Variants in SUPT6H observed in about 807,000 individuals in gnomAD.
SUPT6H encodes transcription elongation factor SPT6.
SUPT6H carries 11 observed loss-of-function variants against 222.3 expected under a neutral mutation model. The observed-to-expected ratio is 0.05, with a 90% CI of 0.03 to 0.08. SUPT6H has a LOEUF of 0.08. Ranked by LOEUF, SUPT6H falls within the 10% of genes least tolerant of loss-of-function variation. SUPT6H has a pLI of 1.00. For missense variants in SUPT6H, 1,422 were observed against 2,216.0 expected (o/e 0.64, Z 7.19); for synonymous variants, 762 against 801.2 (o/e 0.95, Z 0.83).
At chr17:28,690,771 C>A in intron 26 of SUPT6H, 150 bp from the exon 27 acceptor site, 1 of 976,376 alleles carries the variant, frequency 1.0e-6, no homozygotes, top group Non-Finnish European at 1.5e-6. Flanking sequence ...AAGACTTCAT[C>A]TCAAAAATAA....
Position 28,701,727 on chromosome 17 carries a change from G to T in SUPT6H, c.*102G>T. ...TCCTTTTATGTCCATAAAGTGGCGT[G>T]AAGTGAGACGTTCTCTTTGGTGGTC... On this transcript the variant is annotated 3_prime_UTR_variant, in exon 37 of 37. Coordinates refer to ENST00000314616, the MANE Select transcript of SUPT6H (RefSeq NM_003170.5). 4 of 1,274,612 alleles carry T rather than the reference G, an allele frequency of 3.1e-6. No individual in the cohort carries two copies. Among genetic ancestry groups the T allele is most frequent in the Non-Finnish European group, 4.3e-6 (4 of 930,684 alleles). 79.0% of individuals were successfully genotyped at this position (1,274,612 alleles called of 1,614,324 possible).
chr17:28,674,940 T>C, intron 4 of SUPT6H, 30 bp from the exon 5 acceptor site: 2 of 1,608,094 alleles, frequency 1.2e-6, no homozygotes, highest in Non-Finnish European at 1.7e-6. Context: ...ACTCCTCAGA[T>C]CCTGATAAGG....
Position 28,687,187 on chromosome 17 carries a change from G to C in SUPT6H, c.2800G>C (p.Asp934His), listed in dbSNP as rs149659188. 4.3e-6 allele frequency: 7 copies of C among 1,614,046 alleles called. No individual in the cohort carries two copies. The highest frequency in any genetic ancestry group is 2.2e-5 in the South Asian group (2 of 91,090). Reference sequence around the variant, plus strand: ...TGAATTTGCCCAGGTGTGCAGTTCCGATGAAGACATCCTGTGTCTCAAGTT... The same window carrying C: ...TGAATTTGCCCAGGTGTGCAGTTCCCATGAAGACATCCTGTGTCTCAAGTT... ...LIEFAQVCSS[D>H]EDILCLKFHP... The change falls in exon 22 of 37, where the codon GAT becomes CAT. Residue 934 changes from aspartate (D) to histidine (H), a missense_variant. This residue lies in a region of SUPT6H where 294 missense variants were observed against 382.1 expected (regional missense o/e 0.77). Transcript: ENST00000314616.
In SUPT6H at chr17:28,678,574, G is replaced by A. The variant is rs746429433; in HGVS notation, c.1146G>A (p.Glu382=). The change falls in exon 10 of 37, where the codon GAG becomes GAA. Residue 382 remains glutamate (E), a synonymous_variant. Transcript: ENST00000314616. ...CTTTTATTGCCTTCTATCGAAAGGA[G>A]TATGTGGAGCCTGAGTTGCACATCA... is the stretch of plus-strand genomic sequence containing the variant. The part of the protein sequence containing the change: ...EVPFIAFYRK[E]YVEPELHIND... The A allele has an allele frequency of 6.2e-7, 1 of 1,614,210 alleles. No homozygotes were observed.
At chr17:28,677,552 A>G (rs2030831778) in intron 7 of SUPT6H, among the ~76,000 whole-genome samples, 163 bp from the exon 8 acceptor site, 1 of 152,212 alleles carries the variant, frequency 6.6e-6, no homozygotes, top group Admixed American at 6.5e-5. Context: ...TCTCAAAAAA[A>G]AAAAATGCTT....
At position 28,701,773 on chromosome 17, in the gene SUPT6H, T is replaced by C; in HGVS notation, c.*148T>C. 1 of 833,430 alleles carries C rather than the reference T, an allele frequency of 1.2e-6. No homozygotes were observed. The highest frequency in any genetic ancestry group is 1.8e-6 in the Non-Finnish European group (1 of 548,888). 51.6% of individuals were successfully genotyped at this position (833,430 alleles called of 1,614,324 possible). A position where few individuals can be genotyped will look rare whatever the true frequency, so the allele number is the denominator to read the frequency against. On this transcript the variant is annotated 3_prime_UTR_variant, in exon 37 of 37. Transcript: ENST00000314616. ...TGGTCAACCCGGATGGGTGACAGGC[T>C]GGATGGCCTTGTGAACTTGAGCTCA... is the stretch of plus-strand genomic sequence containing the variant.
chr17:28,682,150 C>G (rs2031147211), intron 13 of SUPT6H, 170 bp downstream of exon 13: 2 of 530,070 alleles, frequency 3.8e-6, no homozygotes, highest in Non-Finnish European at 6.7e-6. Flanking sequence ...CAAACCCATT[C>G]CCGCCCGACA....
At position 28,678,622 on chromosome 17, in the gene SUPT6H, G is replaced by A. The variant is rs753805225; in HGVS notation, c.1194G>A (p.Gln398=). 51 of 1,614,060 alleles carry A rather than the reference G, an allele frequency of 3.2e-5. No individual in the cohort carries two copies. Among genetic ancestry groups the A allele is most frequent in the Non-Finnish European group, 3.4e-6 (4 of 1,180,046 alleles). Reference sequence around the variant, plus strand: ...TCAATGACCTATGGAGAGTCTGGCAGTGGGATGAAAAGGTAATGTAGATCC... The same window carrying A: ...TCAATGACCTATGGAGAGTCTGGCAATGGGATGAAAAGGTAATGTAGATCC... ...LHINDLWRVW[Q]WDEKWTQLRI... The change falls in exon 10 of 37, where the codon CAG becomes CAA. Residue 398 remains glutamine (Q), a synonymous_variant. Transcript: ENST00000314616.
intron 27 of SUPT6H, 124 bp from the exon 28 acceptor site, chr17:28,693,572 G>A (rs2031772478): frequency 8.4e-7 from 1 of 1,185,338 alleles, no homozygotes; most frequent in Admixed American, 2.1e-5. Context: ...AAGTCATTGT[G>A]TTTTCAGATC....
intron 5 of SUPT6H, 68 bp from the exon 6 acceptor site, chr17:28,675,333 G>A: frequency 6.3e-7 from 1 of 1,579,910 alleles, no homozygotes; most frequent in East Asian, 2.2e-5. Context: ...CACATAGTAG[G>A]AACCAAAGCA....
intron 13 of SUPT6H, 58 bp from the exon 14 acceptor site, chr17:28,682,669 G>A (rs1464300995): frequency 3.1e-5 from 49 of 1,585,094 alleles, no homozygotes; most frequent in Non-Finnish European, 4.1e-5. Flanking sequence ...GATTCTGAAA[G>A]CCAAGAGGTT....
chr17:28,673,880 A>G (rs1455240443), intron 2 of SUPT6H, among the ~76,000 whole-genome samples: 2 of 152,238 alleles, frequency 1.3e-5, no homozygotes, highest in African/African-American at 4.8e-5. Context: ...AGAATTGTCA[A>G]CAGAGTAGAA....
rs2031572466 is a variant in SUPT6H, at chr17:28,690,127, C to A, written c.3388C>A (p.Leu1130Met). 1.2e-6 allele frequency: 2 copies of A among 1,613,530 alleles called. No individual in the cohort carries two copies. Among genetic ancestry groups the A allele is most frequent in the Non-Finnish European group, 1.7e-6 (2 of 1,180,034 alleles). ...HITLYDIRAE[L>M]SCRYKDLRTA... ...CACACTCTATGACATCCGGGCAGAG[C>A]TGAGCTGTCGATATAAGGACCTCCG... Residue 1130 changes from leucine to methionine, a missense_variant, in exon 26 of 37, where the codon CTG becomes ATG. This residue lies in a region of SUPT6H where 60 missense variants were observed against 96.7 expected (regional missense o/e 0.62). Transcript: ENST00000314616.
intron 1 of SUPT6H, among the ~76,000 whole-genome samples, chr17:28,666,891 T>A (rs1487723370): frequency 2.6e-5 from 4 of 152,212 alleles, no homozygotes; most frequent in Non-Finnish European, 5.9e-5. Context: ...CAAAATTAAC[T>A]TTTTCTGTAT....
At chr17:28,691,428 A>AC in intron 27 of SUPT6H, 1 of 193,372 alleles carries the variant, frequency 5.2e-6, no homozygotes, top group Non-Finnish European at 1.1e-5. Context: ...CGAGAGGCTG[A>AC]GGCAGGAGAA....
At chr17:28,682,554 A>G (rs1339697203) in intron 13 of SUPT6H, among the ~76,000 whole-genome samples, 173 bp from the exon 14 acceptor site, 1 of 152,166 alleles carries the variant, frequency 6.6e-6, no homozygotes, top group Non-Finnish European at 1.5e-5. Flanking sequence ...CCAGGTGGTT[A>G]AGGCTTCAAT....
intron 11 of SUPT6H, among the ~76,000 whole-genome samples, chr17:28,680,011 AAAG>A (rs2031005589): frequency 6.9e-6 from 1 of 145,618 alleles, no homozygotes; most frequent in Non-Finnish European, 1.5e-5. Context: ...AAAAAGAAAG[AAAG>A]AAAAAGGAGG....
In SUPT6H at chr17:28,683,062, A is replaced by G. The variant is rs1206576015; in HGVS notation, c.1848A>G (p.Leu616=). ...AAACCTTCCAAGAGAGAGCCAAGTT[A>G]AATATAACCCCCACCAAGAAAGGTA... The part of the protein sequence containing the change: ...LRQTFQERAK[L]NITPTKKGRK... Residue 616 remains leucine, a synonymous_variant, in exon 15 of 37, where the codon TTA becomes TTG. Transcript: ENST00000314616. 2 of 1,611,218 alleles carry G rather than the reference A, an allele frequency of 1.2e-6. No individual in the cohort carries two copies. The highest frequency in any genetic ancestry group is 2.2e-5 in the East Asian group (1 of 44,854).
intron 7 of SUPT6H, among the ~76,000 whole-genome samples, chr17:28,677,341 C>G (rs1472775737): frequency 6.6e-6 from 1 of 151,746 alleles, no homozygotes; most frequent in Non-Finnish European, 1.5e-5. Flanking sequence ...TGAGATCGCG[C>G]CATTGCACTC....
Sources: allele counts gnomAD v4.1 joint callset (sites outside exome capture counted in the v4.1 genomes callset), GRCh38; gene constraint gnomAD v4.1.1; regional missense constraint gnomAD v4.1.1; transcripts MANE v1.5; gene names NCBI Gene and HGNC (gene_info 2026-07-23, HGNC 2026-07-21).